The following SORCS3 variants were observed in gnomAD, a reference collection of about 807,000 sequenced individuals.
SORCS3 encodes the protein sortilin related VPS10 domain containing receptor 3.
SORCS3 carries 57 observed loss-of-function variants against 146.3 expected under a neutral mutation model. That is an observed-to-expected ratio of 0.39 (90% CI 0.31 to 0.49). The LOEUF is 0.49. Among genes scored for constraint, SORCS3 ranks in the 20% least tolerant of loss-of-function variants. SORCS3 has a pLI of 0.92. For missense variants in SORCS3, 1,341 were observed against 1,575.5 expected, an observed-to-expected ratio of 0.85 and a Z score of 2.52; for synonymous variants, 653 against 618.5, an observed-to-expected ratio of 1.06 and a Z score of -0.83.
intron 3 of SORCS3, among the ~76,000 whole-genome samples, chr10:104,940,574 C>A (rs2019310818): frequency 6.6e-6 from 1 of 151,838 alleles, no homozygotes; most frequent in Admixed American, 6.6e-5. Context: ...GACATGAATT[C>A]ATCACTTTTT....
At chr10:105,202,970 C>T (rs1349939838) in intron 16 of SORCS3, among the ~76,000 whole-genome samples, 1 of 152,196 alleles carries the variant, frequency 6.6e-6, no homozygotes, top group Non-Finnish European at 1.5e-5. Context: ...GCTTCTCTGG[C>T]ATCAGATAGT....
intron 19 of SORCS3, among the ~76,000 whole-genome samples, chr10:105,219,836 C>G (rs760446379): frequency 3.3e-5 from 5 of 152,136 alleles, no homozygotes; most frequent in African/African-American, 4.8e-5. Context: ...GGTATGACAA[C>G]CAATGTATCT....
intron 1 of SORCS3, among the ~76,000 whole-genome samples, chr10:104,694,215 C>T (rs1400314781): frequency 6.6e-6 from 1 of 151,042 alleles, no homozygotes; most frequent in Non-Finnish European, 1.5e-5. Context: ...AAAATTCAGC[C>T]CAAGTTTTAA....
At chr10:104,818,360 TCTTCCTTC>T (rs34389949) in intron 1 of SORCS3, among the ~76,000 whole-genome samples, 1,856 of 139,802 alleles carry the variant, frequency 0.013, 24 homozygotes, top group African/African-American at 0.031. Context: ...TCTTCTCCTT[TCTTCCTTC>T]CTTCCTTCCT....
At chr10:104,683,798 G>A (rs897190774) in intron 1 of SORCS3, among the ~76,000 whole-genome samples, 2 of 152,134 alleles carry the variant, frequency 1.3e-5, no homozygotes, top group Non-Finnish European at 2.9e-5. Flanking sequence ...TTATTGTCCA[G>A]CCAAACAAAC....
intron 1 of SORCS3, among the ~76,000 whole-genome samples, chr10:104,688,281 C>A (rs1463150058): frequency 6.6e-6 from 1 of 152,336 alleles, no homozygotes; most frequent in East Asian, 1.9e-4. Flanking sequence ...ACTCATCCAG[C>A]AGCCTGGAGG....
chr10:105,124,376 T>TCAGGAAGG (rs2055957637), intron 7 of SORCS3, among the ~76,000 whole-genome samples: 1 of 152,102 alleles, frequency 6.6e-6, no homozygotes, highest in Admixed American at 6.6e-5. Context: ...CCTAGAACTG[T>TCAGGAAGG]CAGGAAGGCA....
intron 11 of SORCS3, among the ~76,000 whole-genome samples, chr10:105,163,545 G>T (rs2119515770): frequency 6.6e-6 from 1 of 152,242 alleles, no homozygotes; most frequent in East Asian, 1.9e-4. Flanking sequence ...CTGCTCATTG[G>T]GAAAACGAAA....
At chr10:105,202,716 G>A (rs576276203) in intron 16 of SORCS3, among the ~76,000 whole-genome samples, 4 of 152,272 alleles carry the variant, frequency 2.6e-5, no homozygotes, top group African/African-American at 4.8e-5. Flanking sequence ...AAGAGTTGTA[G>A]CATGTTTCTG....
chr10:104,958,401 A>T (rs1424119085), intron 3 of SORCS3, among the ~76,000 whole-genome samples: 2 of 152,134 alleles, frequency 1.3e-5, no homozygotes, highest in Admixed American at 6.6e-5. Context: ...AGAATTTGTA[A>T]ATATGTTCAG....
chr10:104,918,114 T>G (rs192497347), intron 3 of SORCS3, among the ~76,000 whole-genome samples: 1 of 152,326 alleles, frequency 6.6e-6, no homozygotes, highest in East Asian at 1.9e-4. Flanking sequence ...CCTAACAGTT[T>G]TTGGACTGCA....
chr10:105,199,895 C>T (rs940877283), intron 14 of SORCS3, 104 bp from the exon 15 acceptor site: 1 of 805,148 alleles, frequency 1.2e-6, no homozygotes, highest in Non-Finnish European at 2.1e-6. Context: ...TAACTAAAGT[C>T]CAGGCTGCAG....
At chr10:105,237,745 C>T (rs888498756) in intron 20 of SORCS3, among the ~76,000 whole-genome samples, 9 of 152,150 alleles carry the variant, frequency 5.9e-5, no homozygotes, top group African/African-American at 1.7e-4. Flanking sequence ...TAATTTTGAG[C>T]ATATATTTCT....
At chr10:104,862,878 T>G (rs1448195294) in intron 2 of SORCS3, among the ~76,000 whole-genome samples, 1 of 147,610 alleles carries the variant, frequency 6.8e-6, no homozygotes, top group Non-Finnish European at 1.5e-5. Context: ...AGATTTATTT[T>G]TTAAGATTGA....
intron 1 of SORCS3, among the ~76,000 whole-genome samples, chr10:104,687,808 C>T (rs1015145393): frequency 6.6e-6 from 1 of 152,080 alleles, no homozygotes; most frequent in Admixed American, 6.5e-5. Flanking sequence ...TAGCTGTGTG[C>T]CCTAAGTTCT....
chr10:104,864,325 T>C (rs1303946758), intron 2 of SORCS3, among the ~76,000 whole-genome samples: 1 of 152,168 alleles, frequency 6.6e-6, no homozygotes, highest in Non-Finnish European at 1.5e-5. Context: ...ACCACAGCCC[T>C]GGATCTCCAA....
intron 4 of SORCS3, among the ~76,000 whole-genome samples, chr10:105,000,751 T>C (rs2055056248): frequency 6.6e-6 from 1 of 152,148 alleles, no homozygotes; most frequent in African/African-American, 2.4e-5. Context: ...GGCCAACATA[T>C]TGGAGGGCAC....
intron 1 of SORCS3, among the ~76,000 whole-genome samples, chr10:104,745,535 G>A (rs1317323724): frequency 3.3e-5 from 5 of 152,074 alleles, no homozygotes; most frequent in Non-Finnish European, 4.4e-5. Flanking sequence ...CAGCACCTCC[G>A]AGAGTTTCCT....
At chr10:105,029,275 A>C (rs1310361353) in intron 4 of SORCS3, among the ~76,000 whole-genome samples, 1 of 152,194 alleles carries the variant, frequency 6.6e-6, no homozygotes, top group Non-Finnish European at 1.5e-5. Context: ...CCATGGGTAG[A>C]AGAGTCTCAA....
Sources: allele counts gnomAD v4.1 joint callset (sites outside exome capture counted in the v4.1 genomes callset), GRCh38; gene constraint gnomAD v4.1.1; transcripts MANE v1.5; gene names NCBI Gene and HGNC (gene_info 2026-07-23, HGNC 2026-07-21).